ZMYM4: variants seen among roughly 807,000 people sequenced by gnomAD.
The protein encoded by ZMYM4 is zinc finger MYM-type protein 4.
ZMYM4 carries 31 observed loss-of-function variants against 183.2 expected under a neutral mutation model. The ratio of observed to expected loss-of-function variants is 0.17; its 90% CI spans 0.13 to 0.23. ZMYM4 has a LOEUF of 0.23. Ranked by LOEUF, ZMYM4 falls within the 10% of genes least tolerant of loss-of-function variation. The pLI is 1.00. For missense variants in ZMYM4, 1,273 were observed against 1,840.3 expected (o/e 0.69, Z 5.64); for synonymous variants, 592 against 631.2 (o/e 0.94, Z 0.93).
chr1:35,299,075 C>T (rs1430708585), intron 1 of ZMYM4, among the ~76,000 whole-genome samples: 16 of 150,570 alleles, frequency 1.1e-4, no homozygotes, highest in African/African-American at 3.7e-4. Flanking sequence ...GCCATGTGGC[C>T]CAGGCTGAAC....
At chr1:35,410,738 C>G (rs1288808403) in intron 26 of ZMYM4, among the ~76,000 whole-genome samples, 3 of 151,852 alleles carry the variant, frequency 2.0e-5, no homozygotes, top group Non-Finnish European at 2.9e-5. Context: ...GATCCGCCCA[C>G]CTCGGCCTCC....
chr1:35,412,756 A>C (rs539093652), intron 26 of ZMYM4, among the ~76,000 whole-genome samples: 2 of 152,280 alleles, frequency 1.3e-5, no homozygotes, highest in Admixed American at 1.3e-4. Context: ...ACTGTTGAAC[A>C]ACAAACTGTA....
At chr1:35,395,959 C>T (rs545488985) in intron 18 of ZMYM4, among the ~76,000 whole-genome samples, 1 of 152,242 alleles carries the variant, frequency 6.6e-6, no homozygotes, top group South Asian at 2.1e-4. Context: ...TCTGTTTCAT[C>T]CTTTTAATAC....
At chr1:35,412,080 A>ATG (rs1639931129) in intron 26 of ZMYM4, among the ~76,000 whole-genome samples, 1 of 149,348 alleles carries the variant, frequency 6.7e-6, no homozygotes, top group African/African-American at 2.4e-5. Context: ...TTTAGTAGAG[A>ATG]CAGGGTTTCA....
At chr1:35,353,126 C>T (rs1350121249) in intron 2 of ZMYM4, among the ~76,000 whole-genome samples, 4 of 152,184 alleles carry the variant, frequency 2.6e-5, no homozygotes, top group Non-Finnish European at 5.9e-5. Context: ...TCATACCCCG[C>T]ATCTCATATA....
intron 1 of ZMYM4, among the ~76,000 whole-genome samples, chr1:35,307,980 C>A (rs1641618736): frequency 6.6e-6 from 1 of 151,848 alleles, no homozygotes; most frequent in African/African-American, 2.4e-5. Context: ...CAGGCGCCTG[C>A]CACCGCACCC....
rs959478902 is a variant in ZMYM4 at position 35,420,377 on chromosome 1, G to A, written c.*700G>A. On this transcript the variant is annotated 3_prime_UTR_variant, in exon 30 of 30. Coordinates refer to ENST00000314607, the MANE Select transcript of ZMYM4 (RefSeq NM_005095.3). Reference sequence around the variant, plus strand: ...CTGGATGTGGGTAAACTAAGGTAAAGGGGATGATATTCCACAAACTAATTA... The same window carrying A: ...CTGGATGTGGGTAAACTAAGGTAAAAGGGATGATATTCCACAAACTAATTA... 6.6e-6 allele frequency: 1 copy of A among 152,510 alleles called. No individual in the cohort carries two copies. Among genetic ancestry groups the A allele is most frequent in the African/African-American group, 2.4e-5 (1 of 41,426 alleles). The allele number at this position is 152,510 out of a possible 1,614,324, so 9.4% of individuals were successfully genotyped here. A position where few individuals can be genotyped will look rare whatever the true frequency, so the allele number is the denominator to read the frequency against.
At chr1:35,407,910 G>A (rs1558189167) in intron 25 of ZMYM4, 98 bp from the exon 26 acceptor site, 1 of 1,489,602 alleles carries the variant, frequency 6.7e-7, no homozygotes, top group Non-Finnish European at 9.2e-7. Context: ...CTGCACCGCA[G>A]TGCCTGGAGC....
chr1:35,394,065 C>G (rs1570514497), intron 18 of ZMYM4, among the ~76,000 whole-genome samples: 1 of 150,676 alleles, frequency 6.6e-6, no homozygotes, highest in Non-Finnish European at 1.5e-5. Flanking sequence ...CTATTGTTTT[C>G]CAGTGTGACC....
rs142014381 is a variant in ZMYM4, at chr1:35,403,348, C to T, written c.3529-1675C>T. On this transcript the variant is annotated intron_variant, in intron 23 of 29. Coordinates refer to ENST00000314607, the MANE Select transcript of ZMYM4 (RefSeq NM_005095.3). ...TTGCCCAGGCTCGAGTGCAATGGCG[C>T]GATCTCGGCTCACTGTAACCTCCAC... Among the ~76,000 whole-genome samples the T allele has an allele frequency of 5.3e-3, 811 of 152,208 alleles. 4 individuals are homozygous for T. The highest frequency in any genetic ancestry group is 0.017 in the Middle Eastern group (5 of 294).
At chr1:35,339,656 G>C (rs946148632) in intron 2 of ZMYM4, among the ~76,000 whole-genome samples, 2 of 152,098 alleles carry the variant, frequency 1.3e-5, no homozygotes, top group Non-Finnish European at 2.9e-5. Flanking sequence ...TGGTTGGGAG[G>C]GGTGTCTTGG....
At chr1:35,335,636 A>G (rs192486233) in intron 2 of ZMYM4, among the ~76,000 whole-genome samples, 35 of 152,262 alleles carry the variant, frequency 2.3e-4, no homozygotes, top group African/African-American at 7.7e-4. Flanking sequence ...TAAATATATA[A>G]CTATTTTAAA....
In ZMYM4 at chr1:35,359,091, C is replaced by A; in HGVS notation, c.252C>A (p.Val84=). 1 of 1,613,612 alleles carries A rather than the reference C, an allele frequency of 6.2e-7. No individual in the cohort carries two copies. Among genetic ancestry groups the A allele is most frequent in the South Asian group, 1.1e-5 (1 of 91,044 alleles). Residue 84 remains valine (V), a synonymous_variant, in exon 3 of 30, where the codon GTC becomes GTA. Transcript: ENST00000314607. ...CTGGGGATCTTGCAGGAATTCCAGT[C>A]GTTGGTAGTGACAATGAGGATGAAC... ...LNSGDLAGIP[V]VGSDNEDEQD... is the part of the protein sequence containing the mutation.
chr1:35,282,756 A>G (rs1415385566), intron 1 of ZMYM4, among the ~76,000 whole-genome samples: 1 of 151,980 alleles, frequency 6.6e-6, no homozygotes, highest in African/African-American at 2.4e-5. Context: ...GGGTTTGGCC[A>G]TGTTACCAAG....
Position 35,396,532 on chromosome 1 carries a change from TTTG to T in ZMYM4, c.2912-11_2912-9del. The T allele has an allele frequency of 2.5e-6, 4 of 1,610,276 alleles. No individual in the cohort carries two copies. Among genetic ancestry groups the T allele is most frequent in the Non-Finnish European group, 3.4e-6 (4 of 1,178,738 alleles). ...TCTAACCCTCTTTGCTTTTTGTGAT[TTTG>T]TTGTTGTTACTGTTAGAAGACACTC... is the stretch of plus-strand genomic sequence containing the variant. On this transcript the variant is annotated splice_polypyrimidine_tract_variant and intron_variant, in intron 18 of 29. Coordinates refer to ENST00000314607, the MANE Select transcript of ZMYM4 (RefSeq NM_005095.3).
intron 2 of ZMYM4, chr1:35,351,524 A>G (rs1643607318): frequency 7.7e-7 from 1 of 1,293,948 alleles, no homozygotes; most frequent in Non-Finnish European, 1.1e-6. Flanking sequence ...CCATCCCAAA[A>G]TATCCCTTGC....
At chr1:35,401,884 T>C (rs1644915780) in intron 23 of ZMYM4, among the ~76,000 whole-genome samples, 1 of 152,204 alleles carries the variant, frequency 6.6e-6, no homozygotes, top group African/African-American at 2.4e-5. Flanking sequence ...TTGAATTACA[T>C]TGGCAACTCT....
intron 2 of ZMYM4, among the ~76,000 whole-genome samples, chr1:35,344,433 G>A (rs374174753): frequency 1.1e-4 from 16 of 152,092 alleles, no homozygotes; most frequent in African/African-American, 3.9e-4. Context: ...TAGGGGGAAA[G>A]TATTCAGTCT....
At chr1:35,277,521 G>T (rs1329813578) in intron 1 of ZMYM4, among the ~76,000 whole-genome samples, 2 of 152,104 alleles carry the variant, frequency 1.3e-5, no homozygotes, top group African/African-American at 2.4e-5. Context: ...TCTACTTTTA[G>T]TGATACTAAA....
Sources: gnomAD v4.1 joint callset for allele counts (sites outside exome capture counted in the v4.1 genomes callset) on GRCh38, gnomAD v4.1.1 for gene constraint, MANE v1.5 for transcripts, NCBI Gene and HGNC (gene_info 2026-07-23, HGNC 2026-07-21) for gene names.